Variants in FBN1 observed in about 807,000 individuals in gnomAD.
FBN1 encodes the protein fibrillin 1.
In FBN1, 29 loss-of-function variants were observed where a neutral mutation model predicts 365.1. The observed-to-expected ratio is 0.08, with a 90% CI of 0.06 to 0.11. The LOEUF (loss-of-function observed/expected upper bound fraction) is 0.11. FBN1 is among the 10% of genes least tolerant of loss of function. The pLI, the probability that FBN1 is intolerant of heterozygous loss-of-function variation, is 1.00. For synonymous variants in FBN1, 1,210 were observed against 1,270.5 expected, an observed-to-expected ratio of 0.95 and a Z score of 1.01; for missense variants, 2,476 against 3,703.2, an observed-to-expected ratio of 0.67 and a Z score of 8.60.
chr15:48,513,433 C>T (rs1006911898), intron 13 of FBN1, 116 bp downstream of exon 13: 13 of 1,447,252 alleles, frequency 9.0e-6, no homozygotes, highest in South Asian at 6.9e-5. Flanking sequence ...AAAAAAGCCA[C>T]GGGACTGTAT....
At chr15:48,447,665 TGAGA>T (rs149029100) in intron 46 of FBN1, among the ~76,000 whole-genome samples, 4 of 151,154 alleles carry the variant, frequency 2.6e-5, no homozygotes, top group Non-Finnish European at 5.9e-5. Flanking sequence ...AAGGATGAAA[TGAGA>T]GAGAGAGAGA....
intron 54 of FBN1, 63 bp from the exon 55 acceptor site, chr15:48,433,051 T>C: frequency 6.3e-7 from 1 of 1,590,088 alleles, no homozygotes; most frequent in Non-Finnish European, 8.6e-7. Flanking sequence ...AACCTACCAA[T>C]TGAACTAAAA....
At chr15:48,411,778 C>T (rs2042865878) in intron 65 of FBN1, among the ~76,000 whole-genome samples, 1 of 152,244 alleles carries the variant, frequency 6.6e-6, no homozygotes, top group Admixed American at 6.5e-5. Flanking sequence ...CAGATGCATG[C>T]TAAAGTTTGA....
intron 6 of FBN1, among the ~76,000 whole-genome samples, chr15:48,559,305 C>T (rs2044205710): frequency 6.6e-6 from 1 of 152,188 alleles, no homozygotes; most frequent in Non-Finnish European, 1.5e-5. Flanking sequence ...TTTGAGACCC[C>T]TTCGAAAGGG....
chr15:48,424,938 A>G (rs908688412), intron 60 of FBN1, among the ~76,000 whole-genome samples: 2 of 152,210 alleles, frequency 1.3e-5, no homozygotes, highest in Non-Finnish European at 2.9e-5. Context: ...CACAGCATCT[A>G]ATTCATTAGG....
At chr15:48,440,899 T>TAAAAA (rs146628631) in intron 50 of FBN1, among the ~76,000 whole-genome samples, 1 of 133,852 alleles carries the variant, frequency 7.5e-6, no homozygotes, top group Admixed American at 7.2e-5. Context: ...CAAAAAACCA[T>TAAAAA]GAAAAAAAAA....
intron 60 of FBN1, among the ~76,000 whole-genome samples, chr15:48,423,752 G>A (rs1388220489): frequency 6.6e-6 from 1 of 152,080 alleles, no homozygotes; most frequent in Non-Finnish European, 1.5e-5. Flanking sequence ...CTCAGTGACT[G>A]TGGTGCAACT....
chr15:48,490,024 G>A lies in FBN1; in HGVS notation c.2909C>T (p.Pro970Leu), dbSNP rs751985082. 10 of 1,613,966 alleles carry A rather than the reference G, an allele frequency of 6.2e-6. No individual in the cohort carries two copies. The highest frequency in any genetic ancestry group is 3.4e-6 in the Non-Finnish European group (4 of 1,180,032). ...GTCCATGCGGTGGCGGCCAGCAATA[G>A]GCAGGGTGCACTCCTCGTCCTCGTA... is the stretch of plus-strand genomic sequence containing the variant. ...LRYEDEECTLPIAGRHRMDAC... is the reference protein window; with the variant it reads ...LRYEDEECTLLIAGRHRMDAC... Residue 970 changes from proline to leucine, a missense_variant, in exon 25 of 66, where the codon CCT (proline) becomes CTT (leucine). Transcript: ENST00000316623.
rs1426717 is a variant in FBN1 at position 48,444,753 on chromosome 15, A to G, written c.5918-93T>C. 8,020 of 1,356,448 alleles carry G rather than the reference A, an allele frequency of 5.9e-3. 165 individuals are homozygous for G. The African/African-American group carries it at 0.06, about 10-fold the overall frequency. 84.0% of individuals were successfully genotyped at this position (1,356,448 alleles called of 1,614,324 possible). On this transcript the variant is annotated intron_variant, in intron 48 of 65. Transcript: ENST00000316623. ...TCAAAAAAACTAGAATGAATCAAAG[A>G]AATACATAAAGCAAATTAAAGTTCA...
chr15:48,565,484 T>G (rs1288786515), intron 6 of FBN1, among the ~76,000 whole-genome samples: 1 of 152,100 alleles, frequency 6.6e-6, no homozygotes, highest in Non-Finnish European at 1.5e-5. Context: ...CACAATCATG[T>G]GTTAGTTAAT....
chr15:48,429,880 G>A (rs1370711038), intron 56 of FBN1, among the ~76,000 whole-genome samples: 3 of 152,158 alleles, frequency 2.0e-5, no homozygotes, highest in Non-Finnish European at 4.4e-5. Context: ...GAAAGAGAAT[G>A]CGTGTGAGAA....
At chr15:48,494,090 T>C in intron 23 of FBN1, 114 bp downstream of exon 23, 6 of 812,478 alleles carry the variant, frequency 7.4e-6, no homozygotes, top group East Asian at 2.5e-5. Context: ...TTATTTTTTT[T>C]CTCTGCTGCA....
In FBN1 at chr15:48,474,335, T is replaced by C. The variant is rs1238143005; in HGVS notation, c.4130A>G (p.His1377Arg). Residue 1377 changes from histidine to arginine, a missense_variant, in exon 34 of 66, where the codon CAT becomes CGT. Physicochemically the swap from His to Arg is conservative, Grantham distance 29. Coordinates refer to ENST00000316623, the MANE Select transcript of FBN1 (RefSeq NM_000138.5). ...TCCCATGGTATTCTTGCAGTCTGCA[T>C]GCTGGCTGCACATATGGGTTCCATT... ...CSNGTHMCSQHADCKNTMGSY... is the reference protein window; with the variant it reads ...CSNGTHMCSQRADCKNTMGSY... The C allele has an allele frequency of 1.2e-6, 2 of 1,614,064 alleles. No homozygotes were observed. The highest frequency in any genetic ancestry group is 1.7e-6 in the Non-Finnish European group (2 of 1,180,020).
chr15:48,424,526 G>T (rs2141225367), intron 60 of FBN1, among the ~76,000 whole-genome samples: 1 of 152,256 alleles, frequency 6.6e-6, no homozygotes, highest in Non-Finnish European at 1.5e-5. Flanking sequence ...GTAAGTGGAA[G>T]AACTTAAGCT....
rs1050206878 is a variant in FBN1, at chr15:48,408,452, T to G, written c.*2538A>C. The stretch of plus-strand genomic sequence containing the variant: ...TGTTGAACAAAAATGTAGTTGTTTG[T>G]GCAAGTTTAAACATTTCACAAGGCC... On this transcript the variant is annotated 3_prime_UTR_variant, in exon 66 of 66. Coordinates refer to ENST00000316623, the MANE Select transcript of FBN1 (RefSeq NM_000138.5). 2.0e-5 allele frequency: 3 copies of G among 152,666 alleles called. No homozygotes were observed. Among genetic ancestry groups the G allele is most frequent in the Admixed American group, 6.5e-5 (1 of 15,280 alleles). The allele number at this position is 152,666 out of a possible 1,614,324, so 9.5% of individuals were successfully genotyped here. A position where few individuals can be genotyped will look rare whatever the true frequency, so the allele number is the denominator to read the frequency against.
At chr15:48,628,345 A>G (rs189380212) in intron 2 of FBN1, among the ~76,000 whole-genome samples, 1 of 152,120 alleles carries the variant, frequency 6.6e-6, no homozygotes, top group Non-Finnish European at 1.5e-5. Flanking sequence ...TGCCGAAATG[A>G]AGGTACAAAA....
chr15:48,491,076 A>G (rs1024885659), intron 24 of FBN1, among the ~76,000 whole-genome samples: 1 of 152,198 alleles, frequency 6.6e-6, no homozygotes, highest in African/African-American at 2.4e-5. Context: ...TTTTAAGTGA[A>G]TCCTAAATTA....
At chr15:48,568,064 G>T (rs1199691166) in intron 6 of FBN1, among the ~76,000 whole-genome samples, 1 of 90,114 alleles carries the variant, frequency 1.1e-5, no homozygotes, top group Non-Finnish European at 2.2e-5. Context: ...AAGAAAGAAA[G>T]AAAGAAAGAA....
At chr15:48,508,155 A>G (rs2043726844) in intron 15 of FBN1, among the ~76,000 whole-genome samples, 1 of 152,188 alleles carries the variant, frequency 6.6e-6, no homozygotes, top group Admixed American at 6.5e-5. Flanking sequence ...GGAAGAGATC[A>G]TTGCAAATAA....
Sources: gnomAD v4.1 joint callset for allele counts (sites outside exome capture counted in the v4.1 genomes callset) on GRCh38, gnomAD v4.1.1 for gene constraint, MANE v1.5 for transcripts, NCBI Gene and HGNC (gene_info 2026-07-23, HGNC 2026-07-21) for gene names.